Variants in CRACR2B observed in about 807,000 individuals in gnomAD.
CRACR2B encodes EF-hand calcium-binding domain-containing protein 4A.
In CRACR2B, 50 loss-of-function variants were observed where a neutral mutation model predicts 46.0. The observed-to-expected ratio is 1.09, with a 90% CI of 0.87 to 1.38. CRACR2B has a LOEUF of 1.38. Ranked by LOEUF, CRACR2B falls within the 40% of genes most tolerant of loss-of-function variation. CRACR2B has a pLI of 0.00. For missense variants in CRACR2B, 667 were observed against 535.0 expected (o/e 1.25, Z -2.43); for synonymous variants, 277 against 239.6 (o/e 1.16, Z -1.44).
At chr11:827,373 C>T (rs1215384484), upstream of CRACR2B, 5 of 193,276 alleles carry the variant, frequency 2.6e-5, no homozygotes, top group Non-Finnish European at 4.7e-5. Flanking sequence ...CCGCCCGGCA[C>T]CCCCTCCGGG....
chr11:828,577 C>A lies in CRACR2B; in HGVS notation c.-31C>A, dbSNP rs754738058. ...CTGACCCTCCCTTGGCTTCACAGCACCTGAAGGCCAGGCTGAGGCCCCCTG... is the reference window on the plus strand; with the variant it reads ...CTGACCCTCCCTTGGCTTCACAGCAACTGAAGGCCAGGCTGAGGCCCCCTG... On this transcript the variant is annotated 5_prime_UTR_variant, in exon 1 of 9. Transcript: ENST00000525077. The A allele has an allele frequency of 4.5e-6, 7 of 1,565,858 alleles. No individual in the cohort carries two copies. Among genetic ancestry groups the A allele is most frequent in the Non-Finnish European group, 6.0e-6 (7 of 1,164,374 alleles).
rs183096550 is a variant in CRACR2B at position 828,048 on chromosome 11, G to A, written c.-560G>A. ...TGGGCTCAGTTGTGGGGAGGGAGGG[G>A]CCGGTGGGCAGGAGGGAGAAGTCTG... is the stretch of plus-strand genomic sequence containing the variant. On this transcript the variant is annotated 5_prime_UTR_variant, in exon 1 of 9. Transcript: ENST00000525077. Among the ~76,000 whole-genome samples the A allele has an allele frequency of 2.3e-4, 35 of 152,230 alleles. No homozygotes were observed. Among genetic ancestry groups the A allele is most frequent in the Non-Finnish European group, 4.3e-4 (29 of 68,002 alleles).
At chr11:830,595 G>A in intron 5 of CRACR2B, 26 bp from the exon 6 acceptor site, 1 of 1,546,578 alleles carries the variant, frequency 6.5e-7, no homozygotes, top group Non-Finnish European at 8.7e-7. Context: ...GCCGGCGGAG[G>A]CTCAGTGGTC....
intron 5 of CRACR2B, 43 bp downstream of exon 5, chr11:830,380 C>A (rs758667190): frequency 2.0e-6 from 3 of 1,536,558 alleles, no homozygotes; most frequent in South Asian, 2.4e-5. Flanking sequence ...CCAATCCCAC[C>A]TCGCTGGCCT....
Position 828,676 on chromosome 11 carries a change from T to A in CRACR2B, c.69T>A (p.Ser23=), listed in dbSNP as rs372499416. The A allele has an allele frequency of 1.2e-6, 2 of 1,610,742 alleles. No homozygotes were observed. The highest frequency in any genetic ancestry group is 3.4e-5 in the Admixed American group (2 of 59,080). ...AGGAGGGGGAACTCGAGGGGGGCTC[T>A]GCAGGGCCGCGGGCTGCAATACTGG... ...QEEEGELEGG[S]AGPRAAILEQ... is the part of the protein sequence containing the mutation. The change falls in exon 1 of 9, where the codon TCT becomes TCA. Residue 23 remains serine (S), a synonymous_variant. Transcript: ENST00000525077.
rs376708795 is a variant in CRACR2B, at chr11:829,415, G to C, written c.333G>C (p.Glu111Asp). Reference sequence around the variant, plus strand: ...GAGCGAACCCCTGCAGGACTCCCGAGGAGACCTTTGAGTCGGGCGGGCTCG... The same window carrying C: ...GAGCGAACCCCTGCAGGACTCCCGACGAGACCTTTGAGTCGGGCGGGCTCG... Reference protein sequence around the residue: ...AQGANPCRTPEETFESGGLDV... With the variant: ...AQGANPCRTPDETFESGGLDV... Residue 111 changes from glutamate (E) to aspartate (D), a missense_variant, in exon 3 of 9, where the codon GAG becomes GAC. Physicochemically the swap from Glu to Asp is conservative, Grantham distance 45 (BLOSUM62 2). Coordinates refer to ENST00000525077, the MANE Select transcript of CRACR2B (RefSeq NM_001286606.2). 1.2e-5 allele frequency: 19 copies of C among 1,611,042 alleles called. No homozygotes were observed. The highest frequency in any genetic ancestry group is 1.5e-5 in the Non-Finnish European group (18 of 1,179,306).
upstream of CRACR2B, chr11:827,116 G>C (rs2133865850): frequency 6.6e-6 from 1 of 152,144 alleles, no homozygotes; most frequent in East Asian, 1.9e-4. Context: ...AGCGCAGAGA[G>C]GCGGGGACAG....
rs759623092 is a variant in CRACR2B, at chr11:829,060, C to T, written c.277+97C>T. ...CGCCCTGAGGGCTGCCGGTGCCTCT[C>T]GTCCTCCTCCCTCCAGGGCCCGTGC... On this transcript the variant is annotated intron_variant, in intron 2 of 8. Transcript: ENST00000525077. The T allele has an allele frequency of 9.7e-5, 144 of 1,477,724 alleles. No individual in the cohort carries two copies. The Middle Eastern group carries it at 2.2e-3, about 23-fold the overall frequency. The allele number at this position is 1,477,724 out of a possible 1,614,324, so 91.5% of individuals were successfully genotyped here. A position where few individuals can be genotyped will look rare whatever the true frequency, so the allele number is the denominator to read the frequency against.
At position 828,885 on chromosome 11, in the gene CRACR2B, C is replaced by T. The variant is rs375669287; in HGVS notation, c.199C>T (p.Gln67Ter). ...GAGCGACCTGCCCCTCACGCCAGAGCAGCTGGAGGCTGTGTTTGAAAGTCT... is the reference window on the plus strand; with the variant it reads ...GAGCGACCTGCCCCTCACGCCAGAGTAGCTGGAGGCTGTGTTTGAAAGTCT... ...LQSDLPLTPE[Q>*]LEAVFESLDR... Residue 67 changes from glutamine (Q) to a stop codon, truncating the protein, a stop_gained, in exon 2 of 9, where the codon CAG becomes TAG. Coordinates refer to ENST00000525077, the MANE Select transcript of CRACR2B (RefSeq NM_001286606.2). LOFTEE classifies it high-confidence loss of function. 2.9e-5 allele frequency: 47 copies of T among 1,609,972 alleles called. No individual in the cohort carries two copies. Among genetic ancestry groups the T allele is most frequent in the Non-Finnish European group, 3.8e-5 (45 of 1,179,832 alleles).
rs757272189 is a variant in CRACR2B, at chr11:831,680, G to A, written c.1171G>A (p.Gly391Ser). ...CCCWARPPRR[G>S]SGHLPSAR is the part of the protein sequence containing the mutation. ...TTGCTGGGCTCGGCCCCCCAGACGCGGCTCTGGCCACCTTCCCAGTGCCCG... is the reference window on the plus strand; with the variant it reads ...TTGCTGGGCTCGGCCCCCCAGACGCAGCTCTGGCCACCTTCCCAGTGCCCG... The change falls in exon 9 of 9, where the codon GGC (glycine) becomes AGC (serine). Residue 391 changes from glycine to serine, a missense_variant. Physicochemically the swap from Gly to Ser is moderately conservative, Grantham distance 56 (BLOSUM62 0). Coordinates refer to ENST00000525077, the MANE Select transcript of CRACR2B (RefSeq NM_001286606.2). The A allele has an allele frequency of 8.1e-5, 123 of 1,521,746 alleles. 2 individuals carry two copies. The Admixed American group carries it at 2.4e-3, about 30-fold the overall frequency. The allele number at this position is 1,521,746 out of a possible 1,614,324, so 94.3% of individuals were successfully genotyped here.
upstream of CRACR2B, among the ~76,000 whole-genome samples, chr11:826,713 C>T (rs544212508): frequency 2.1e-4 from 32 of 151,276 alleles, no homozygotes; most frequent in African/African-American, 7.5e-4. Flanking sequence ...TTAGTAGAGA[C>T]GGGGTTTCGC....
At position 829,061 on chromosome 11, in the gene CRACR2B, G is replaced by A. The variant is rs749184722; in HGVS notation, c.277+98G>A. 310 of 1,479,706 alleles carry A rather than the reference G, an allele frequency of 2.1e-4. 3 individuals carry two copies. The highest frequency in any genetic ancestry group is 8.4e-4 in the South Asian group (73 of 87,234). The allele number at this position is 1,479,706 out of a possible 1,614,324, so 91.7% of individuals were successfully genotyped here. A position where few individuals can be genotyped will look rare whatever the true frequency, so the allele number is the denominator to read the frequency against. On this transcript the variant is annotated intron_variant, in intron 2 of 8. Transcript: ENST00000525077. Reference sequence around the variant, plus strand: ...GCCCTGAGGGCTGCCGGTGCCTCTCGTCCTCCTCCCTCCAGGGCCCGTGCT... The same window carrying A: ...GCCCTGAGGGCTGCCGGTGCCTCTCATCCTCCTCCCTCCAGGGCCCGTGCT...
Position 830,347 on chromosome 11 carries a change from G to A in CRACR2B, c.693+10G>A. On this transcript the variant is annotated intron_variant, in intron 5 of 8. Coordinates refer to ENST00000525077, the MANE Select transcript of CRACR2B (RefSeq NM_001286606.2). ...GCGCCCGCCGAGTCAGGTGGGCCTC[G>A]GGCCCCGCCCCTCCCGCCAGGCCCA... 1 of 1,535,424 alleles carries A rather than the reference G, an allele frequency of 6.5e-7. No individual in the cohort carries two copies. Among genetic ancestry groups the A allele is most frequent in the Non-Finnish European group, 8.7e-7 (1 of 1,145,430 alleles).
chr11:829,211 C>CT (rs777620373), intron 2 of CRACR2B, 149 bp from the exon 3 acceptor site: 3 of 1,435,200 alleles, frequency 2.1e-6, no homozygotes. Context: ...CCTGTCACCT[C>CT]TTGTTTCCAG....
rs149293789 is a variant in CRACR2B at position 829,356 on chromosome 11, G to T, written c.278-4G>T. ...CCTGGTAATCGCTCGCTCCATGCCC[G>T]CAGGGATGTTTGTGGGGGTGGCGTC... On this transcript the variant is annotated splice_region_variant and splice_polypyrimidine_tract_variant and intron_variant, in intron 2 of 8. Coordinates refer to ENST00000525077, the MANE Select transcript of CRACR2B (RefSeq NM_001286606.2). 6.2e-7 allele frequency: 1 copy of T among 1,602,838 alleles called. No individual in the cohort carries two copies. Among genetic ancestry groups the T allele is most frequent in the South Asian group, 1.1e-5 (1 of 89,420 alleles).
In CRACR2B at chr11:828,003, GACC is replaced by G. The variant is rs766331983; in HGVS notation, c.-604_-602del. On this transcript the variant is annotated 5_prime_UTR_variant, in exon 1 of 9. Transcript: ENST00000525077. ...AGAGGCGAAGGGCTCTGCAGGCTGG[GACC>G]TTGCCCCTGCACTCTGTGGGCTCAG... Among the ~76,000 whole-genome samples the G allele has an allele frequency of 6.0e-3, 918 of 152,248 alleles. 2 individuals are homozygous for G. The highest frequency in any genetic ancestry group is 0.011 in the Non-Finnish European group (719 of 67,990).
intron 2 of CRACR2B, 54 bp from the exon 3 acceptor site, chr11:829,306 C>T: frequency 6.5e-7 from 1 of 1,544,034 alleles, no homozygotes; most frequent in Non-Finnish European, 8.7e-7. Context: ...TGAACGGGGA[C>T]ACAGCCACGG....
Position 830,727 on chromosome 11 carries a change from C to T in CRACR2B, c.786+14C>T. 1.3e-6 allele frequency: 2 copies of T among 1,520,620 alleles called. No individual in the cohort carries two copies. Among genetic ancestry groups the T allele is most frequent in the African/African-American group, 1.4e-5 (1 of 72,756 alleles). 94.2% of individuals were successfully genotyped at this position (1,520,620 alleles called of 1,614,324 possible). A position where few individuals can be genotyped will look rare whatever the true frequency, so the allele number is the denominator to read the frequency against. ...CGGCAGCGGGAGGTGAGCACCCGGC[C>T]CCTGCCCTGTCCCCACGGTCACCCG... On this transcript the variant is annotated intron_variant, in intron 6 of 8. Transcript: ENST00000525077.
In CRACR2B at chr11:831,848, A is replaced by G. The variant is rs1455376321; in HGVS notation, c.*139A>G. On this transcript the variant is annotated 3_prime_UTR_variant, in exon 9 of 9. Transcript: ENST00000525077. ...GCCTGACTGAAGACATGAAGGACCT[A>G]GCCTAGGAGTGGTCAGGGTCCCGGG... is the stretch of plus-strand genomic sequence containing the variant. 29 of 1,109,694 alleles carry G rather than the reference A, an allele frequency of 2.6e-5. No homozygotes were observed. Among genetic ancestry groups the G allele is most frequent in the Non-Finnish European group, 3.5e-5 (29 of 826,248 alleles). 68.7% of individuals were successfully genotyped at this position (1,109,694 alleles called of 1,614,324 possible). A position where few individuals can be genotyped will look rare whatever the true frequency, so the allele number is the denominator to read the frequency against.
Sources: allele counts gnomAD v4.1 joint callset (sites outside exome capture counted in the v4.1 genomes callset), GRCh38; gene constraint gnomAD v4.1.1; transcripts MANE v1.5; gene names NCBI Gene and HGNC (gene_info 2026-07-23, HGNC 2026-07-21).